The following FAT3 variants were observed in gnomAD, a reference collection of about 807,000 sequenced individuals.
The protein encoded by FAT3 is FAT atypical cadherin 3.
FAT3 carries 95 observed loss-of-function variants against 310.2 expected under a neutral mutation model. The ratio of observed to expected loss-of-function variants is 0.31; its 90% CI spans 0.26 to 0.36. FAT3 has a LOEUF of 0.36. Among genes scored for constraint, FAT3 ranks in the 10% least tolerant of loss-of-function variants. The pLI, the probability that FAT3 is intolerant of heterozygous loss-of-function variation, is 1.00. For missense variants in FAT3, 5,408 were observed against 5,715.6 expected, an observed-to-expected ratio of 0.95 and a Z score of 1.74; for synonymous variants, 2,314 against 2,192.9, an observed-to-expected ratio of 1.06 and a Z score of -1.54.
intron 3 of FAT3, among the ~76,000 whole-genome samples, chr11:92,679,236 G>A (rs189078401): frequency 1.3e-5 from 2 of 152,054 alleles, no homozygotes; most frequent in Non-Finnish European, 2.9e-5. Flanking sequence ...GTTATTGTGA[G>A]TAGTGCTACA....
intron 3 of FAT3, among the ~76,000 whole-genome samples, chr11:92,554,104 C>A (rs1354271260): frequency 6.6e-6 from 1 of 152,048 alleles, no homozygotes; most frequent in Non-Finnish European, 1.5e-5. Context: ...CCGTGTCCAG[C>A]TCCCTGTTTC....
At chr11:92,421,551 A>G (rs2134980215) in intron 2 of FAT3, among the ~76,000 whole-genome samples, 1 of 152,258 alleles carries the variant, frequency 6.6e-6, no homozygotes, top group South Asian at 2.1e-4. Flanking sequence ...GCTTACATGG[A>G]TTTATGAAAT....
chr11:92,629,412 T>A (rs1342320328), intron 3 of FAT3, among the ~76,000 whole-genome samples: 2 of 28,162 alleles, frequency 7.1e-5, no homozygotes, highest in Admixed American at 2.9e-4. Context: ...TTCCCCTACC[T>A]TTTTTTTTTT....
At chr11:92,715,242 A>T (rs1235705824) in intron 4 of FAT3, among the ~76,000 whole-genome samples, 1 of 127,986 alleles carries the variant, frequency 7.8e-6, no homozygotes, top group East Asian at 2.2e-4. Flanking sequence ...CGTCTCCACT[A>T]AAAAAAAAAA....
chr11:92,852,475 A>G (rs1286925387), intron 19 of FAT3, among the ~76,000 whole-genome samples: 1 of 152,138 alleles, frequency 6.6e-6, no homozygotes, highest in Non-Finnish European at 1.5e-5. Flanking sequence ...CCAAATGTTT[A>G]TGGCTGAGCA....
intron 3 of FAT3, among the ~76,000 whole-genome samples, chr11:92,562,571 A>G (rs1480959071): frequency 2.0e-5 from 3 of 152,184 alleles, no homozygotes; most frequent in Non-Finnish European, 2.9e-5. Flanking sequence ...GGCTCACACA[A>G]TGATGGAGGA....
At chr11:92,475,428 T>A (rs1456995163) in intron 2 of FAT3, among the ~76,000 whole-genome samples, 1 of 152,016 alleles carries the variant, frequency 6.6e-6, no homozygotes, top group East Asian at 1.9e-4. Context: ...CCTGGCTTTT[T>A]TTCATTGTGG....
chr11:92,719,349 T>C (rs1944787308), intron 4 of FAT3, among the ~76,000 whole-genome samples: 1 of 152,166 alleles, frequency 6.6e-6, no homozygotes, highest in South Asian at 2.1e-4. Context: ...TTCTTGTCTT[T>C]TTATCTTTCT....
chr11:92,501,979 G>A (rs1847372318), intron 2 of FAT3, among the ~76,000 whole-genome samples: 1 of 151,976 alleles, frequency 6.6e-6, no homozygotes, highest in South Asian at 2.1e-4. Context: ...GCGCGCGTGT[G>A]TGTGTATTTC....
chr11:92,318,092 A>G (rs1189847486), intron 1 of FAT3, among the ~76,000 whole-genome samples: 1 of 152,024 alleles, frequency 6.6e-6, no homozygotes, highest in Non-Finnish European at 1.5e-5. Flanking sequence ...TACTTTGCAG[A>G]CTCCAACTCC....
At chr11:92,716,500 C>T (rs768758027) in intron 4 of FAT3, among the ~76,000 whole-genome samples, 4 of 151,790 alleles carry the variant, frequency 2.6e-5, no homozygotes, top group Non-Finnish European at 5.9e-5. Flanking sequence ...AAAAAATATA[C>T]AAAAATTATC....
intron 3 of FAT3, among the ~76,000 whole-genome samples, chr11:92,619,826 T>C (rs989393291): frequency 3.3e-5 from 5 of 152,090 alleles, no homozygotes; most frequent in Non-Finnish European, 5.9e-5. Flanking sequence ...TTTGTTGACT[T>C]CTTTTTTTCT....
intron 4 of FAT3, among the ~76,000 whole-genome samples, chr11:92,760,167 G>T (rs1946107861): frequency 6.6e-6 from 1 of 152,184 alleles, no homozygotes; most frequent in African/African-American, 2.4e-5. Flanking sequence ...ACACAACAAA[G>T]CAATTGGGAA....
Position 92,524,620 on chromosome 11 carries a change from C to CT in FAT3, c.3293-8dup, listed in dbSNP as rs1565382981. 2 of 1,605,124 alleles carry CT rather than the reference C, an allele frequency of 1.2e-6. No homozygotes were observed. Among genetic ancestry groups the CT allele is most frequent in the East Asian group, 4.5e-5 (2 of 44,670 alleles). ...CTTTCTCTGTGACAGTAACACTTCT[C>CT]TTTTTTGTCTCAGGGGTCATCACTG... On this transcript the variant is annotated splice_polypyrimidine_tract_variant and intron_variant, in intron 2 of 27. Coordinates refer to ENST00000525166, the MANE Select transcript of FAT3 (RefSeq NM_001367949.2).
chr11:92,379,646 G>A (rs1949441200), intron 2 of FAT3, among the ~76,000 whole-genome samples: 1 of 151,872 alleles, frequency 6.6e-6, no homozygotes, highest in African/African-American at 2.4e-5. Flanking sequence ...AATATTTGTG[G>A]GTTATCTTGG....
intron 19 of FAT3, among the ~76,000 whole-genome samples, chr11:92,851,004 C>T (rs977606650): frequency 2.0e-5 from 3 of 152,172 alleles, no homozygotes; most frequent in African/African-American, 7.2e-5. Context: ...GGAATGGTCA[C>T]ATGGTGTGCG....
chr11:92,818,726 A>C (rs1947886290), intron 13 of FAT3, among the ~76,000 whole-genome samples: 1 of 152,218 alleles, frequency 6.6e-6, no homozygotes, highest in Non-Finnish European at 1.5e-5. Flanking sequence ...GAATGACAGT[A>C]ATGTTCCCTT....
intron 4 of FAT3, among the ~76,000 whole-genome samples, chr11:92,705,731 GTGTGA>G (rs1944306838): frequency 1.1e-5 from 1 of 90,896 alleles, no homozygotes; most frequent in Non-Finnish European, 2.2e-5. Flanking sequence ...TGGTGTGATG[GTGTGA>G]TGGTGGTGGG....
intron 23 of FAT3, among the ~76,000 whole-genome samples, chr11:92,881,490 C>T (rs1293580979): frequency 6.6e-6 from 1 of 152,082 alleles, no homozygotes; most frequent in Non-Finnish European, 1.5e-5. Flanking sequence ...GCAAATCTCC[C>T]GAGGACTTTA....
Sources: gnomAD v4.1 joint callset for allele counts (sites outside exome capture counted in the v4.1 genomes callset) on GRCh38, gnomAD v4.1.1 for gene constraint, MANE v1.5 for transcripts, NCBI Gene and HGNC (gene_info 2026-07-23, HGNC 2026-07-21) for gene names.